The following CDH13 variants were observed in gnomAD, a reference collection of about 807,000 sequenced individuals.
CDH13 encodes cadherin-13.
Under a neutral mutation model 63.8 loss-of-function variants are expected in CDH13, and 24 were observed. The observed-to-expected ratio is 0.38, with a 90% CI of 0.27 to 0.53. CDH13 has a LOEUF of 0.53. CDH13 is among the 20% of genes least tolerant of loss of function. The pLI is 0.85. For synonymous variants in CDH13, 503 were observed against 355.3 expected (o/e 1.42, Z -4.67); for missense variants, 1,049 against 903.1 (o/e 1.16, Z -2.07).
chr16:83,402,403 C>T (rs1007728121), intron 6 of CDH13, among the ~76,000 whole-genome samples: 5 of 152,202 alleles, frequency 3.3e-5, no homozygotes, highest in Admixed American at 2.0e-4. Flanking sequence ...CCCACAAGAA[C>T]GTGACTATCC....
chr16:82,727,476 G>T (rs1462411228), intron 1 of CDH13: 2 of 152,198 alleles, frequency 1.3e-5, no homozygotes, highest in African/African-American at 4.8e-5. Flanking sequence ...CTCTACCCAG[G>T]AGAATATTCA....
At chr16:82,681,857 T>C (rs184240170) in intron 1 of CDH13, among the ~76,000 whole-genome samples, 4 of 152,258 alleles carry the variant, frequency 2.6e-5, no homozygotes, top group Admixed American at 2.6e-4. Context: ...CCAGGTGGGG[T>C]CCAGAGCTCA....
chr16:83,117,092 A>G (rs907643078), intron 3 of CDH13, among the ~76,000 whole-genome samples: 1 of 152,216 alleles, frequency 6.6e-6, no homozygotes, highest in Non-Finnish European at 1.5e-5. Flanking sequence ...ATTTACTTTT[A>G]TCCCTTTGAG....
At chr16:83,305,791 C>G (rs2089860521) in intron 5 of CDH13, among the ~76,000 whole-genome samples, 1 of 152,146 alleles carries the variant, frequency 6.6e-6, no homozygotes, top group South Asian at 2.1e-4. Context: ...AGATATTATA[C>G]TGTAAAGCTA....
At chr16:82,862,441 A>G (rs1302701796) in intron 2 of CDH13, among the ~76,000 whole-genome samples, 2 of 152,200 alleles carry the variant, frequency 1.3e-5, no homozygotes, top group Admixed American at 1.3e-4. Context: ...GTGGTCATTG[A>G]GCTCATTAGG....
chr16:83,652,295 T>A (rs1912456699), intron 8 of CDH13, among the ~76,000 whole-genome samples: 1 of 152,212 alleles, frequency 6.6e-6, no homozygotes, highest in South Asian at 2.1e-4. Context: ...TCCCTTGTAA[T>A]GAAAGCAGAA....
rs1415100698 is a variant in CDH13 at position 83,799,722 on chromosome 16, A to G, written c.*4692A>G. 1.3e-5 allele frequency: 2 copies of G among 152,228 alleles called. No individual in the cohort carries two copies. The highest frequency in any genetic ancestry group is 2.9e-5 in the Non-Finnish European group (2 of 68,032). The allele number at this position is 152,228 out of a possible 1,614,324, so 9.4% of individuals were successfully genotyped here. A position where few individuals can be genotyped will look rare whatever the true frequency, so the allele number is the denominator to read the frequency against. Reference sequence around the variant, plus strand: ...ATAATTTTCACAGTCTAATGATAAAATGCTTTCAAAATGGTTCATCTAACA... The same window carrying G: ...ATAATTTTCACAGTCTAATGATAAAGTGCTTTCAAAATGGTTCATCTAACA... On this transcript the variant is annotated 3_prime_UTR_variant, in exon 14 of 14. Coordinates refer to ENST00000567109, the MANE Select transcript of CDH13 (RefSeq NM_001257.5).
At chr16:82,992,495 T>C (rs1911767973) in intron 2 of CDH13, among the ~76,000 whole-genome samples, 1 of 152,100 alleles carries the variant, frequency 6.6e-6, no homozygotes, top group South Asian at 2.1e-4. Flanking sequence ...AGGGGCAGGG[T>C]GGGGATAGAA....
chr16:83,171,468 T>C, intron 4 of CDH13: 1 of 1,393,180 alleles, frequency 7.2e-7, no homozygotes, highest in Non-Finnish European at 9.8e-7. Context: ...CTTTTCTAAT[T>C]AGGTTACTCA....
chr16:82,984,549 A>G (rs756443739), intron 2 of CDH13, among the ~76,000 whole-genome samples: 34 of 152,220 alleles, frequency 2.2e-4, no homozygotes, highest in Non-Finnish European at 1.2e-4. Context: ...GATAATGATA[A>G]CAGTTAACAT....
intron 6 of CDH13, among the ~76,000 whole-genome samples, chr16:83,450,725 C>G (rs992799234): frequency 2.0e-5 from 3 of 152,086 alleles, no homozygotes; most frequent in Admixed American, 1.3e-4. Context: ...AAAAAATTAG[C>G]CAGGCATGGT....
chr16:82,702,359 G>T (rs2031103983), intron 1 of CDH13, among the ~76,000 whole-genome samples: 1 of 152,170 alleles, frequency 6.6e-6, no homozygotes, highest in Non-Finnish European at 1.5e-5. Flanking sequence ...TCATAGGATA[G>T]GTTTCATATG....
At chr16:82,687,272 A>T (rs933421068) in intron 1 of CDH13, among the ~76,000 whole-genome samples, 7 of 152,150 alleles carry the variant, frequency 4.6e-5, no homozygotes, top group Admixed American at 3.3e-4. Context: ...CTAAATCTTA[A>T]CTTCTGGGAT....
At chr16:83,542,037 A>G (rs1017963718) in intron 7 of CDH13, among the ~76,000 whole-genome samples, 7 of 152,140 alleles carry the variant, frequency 4.6e-5, no homozygotes, top group African/African-American at 1.7e-4. Context: ...CTTGCTCCTT[A>G]CAGTGTAGGC....
At chr16:82,710,950 A>G (rs1338586417) in intron 1 of CDH13, among the ~76,000 whole-genome samples, 2 of 151,250 alleles carry the variant, frequency 1.3e-5, no homozygotes, top group East Asian at 1.9e-4. Flanking sequence ...TTTTACCCCA[A>G]CATTAAAAAA....
intron 13 of CDH13, 21 bp downstream of exon 13, chr16:83,783,493 T>A: frequency 6.3e-7 from 1 of 1,585,614 alleles, no homozygotes; most frequent in South Asian, 1.1e-5. Flanking sequence ...CTAACTCCAG[T>A]GCATGCACAA....
intron 6 of CDH13, among the ~76,000 whole-genome samples, chr16:83,394,328 A>C (rs961879523): frequency 1.2e-4 from 19 of 152,094 alleles, no homozygotes; most frequent in African/African-American, 4.3e-4. Flanking sequence ...TGCTCAAGGA[A>C]AGCTGCTTGT....
At chr16:83,696,113 ACTC>A (rs1905366464) in intron 10 of CDH13, among the ~76,000 whole-genome samples, 1 of 150,302 alleles carries the variant, frequency 6.7e-6, no homozygotes, top group Admixed American at 6.6e-5. Flanking sequence ...TGGTTCTCAA[ACTC>A]CTGGGCTCAA....
chr16:82,732,651 A>G (rs142607290), intron 1 of CDH13, among the ~76,000 whole-genome samples: 5 of 152,338 alleles, frequency 3.3e-5, no homozygotes, highest in African/African-American at 1.2e-4. Flanking sequence ...GCCAAGAGAT[A>G]AAAGCCAGCA....
Sources: allele counts gnomAD v4.1 joint callset (sites outside exome capture counted in the v4.1 genomes callset), GRCh38; gene constraint gnomAD v4.1.1; transcripts MANE v1.5; gene names NCBI Gene and HGNC (gene_info 2026-07-23, HGNC 2026-07-21).